The following FLT1 variants were observed in gnomAD, a reference collection of about 807,000 sequenced individuals.
FLT1 encodes the protein vascular endothelial growth factor receptor 1.
FLT1 carries 49 observed loss-of-function variants against 156.3 expected under a neutral mutation model. The observed-to-expected ratio is 0.31, with a 90% CI of 0.25 to 0.40. The LOEUF (loss-of-function observed/expected upper bound fraction) is 0.40. Ranked by LOEUF, FLT1 falls within the 10% of genes least tolerant of loss-of-function variation. The pLI is 1.00. For synonymous variants in FLT1, 594 were observed against 583.8 expected (o/e 1.02, Z -0.25); for missense variants, 1,322 against 1,637.2 (o/e 0.81, Z 3.32).
intron 1 of FLT1, among the ~76,000 whole-genome samples, chr13:28,485,616 T>C (rs545881276): frequency 6.6e-6 from 1 of 152,244 alleles, no homozygotes; most frequent in Admixed American, 6.5e-5. Flanking sequence ...TGTTACACAA[T>C]GGTGTGGTCC....
At chr13:28,427,620 G>T (rs1404224243) in intron 9 of FLT1, 132 bp downstream of exon 9, 4 of 844,932 alleles carry the variant, frequency 4.7e-6, no homozygotes, top group Admixed American at 3.7e-5. Flanking sequence ...GGAACTTAAC[G>T]TTAAGTGTTT....
chr13:28,314,095 G>A (rs1386358235), intron 25 of FLT1, among the ~76,000 whole-genome samples: 1 of 152,172 alleles, frequency 6.6e-6, no homozygotes, highest in Non-Finnish European at 1.5e-5. Context: ...TAGTACAGGA[G>A]GCTGAGGCGG....
chr13:28,427,409 C>G, intron 9 of FLT1, 91 bp from the exon 10 acceptor site: 1 of 1,175,208 alleles, frequency 8.5e-7, no homozygotes, highest in Non-Finnish European at 1.3e-6. Context: ...TTCTCACTGG[C>G]TTTGATGTCA....
intron 14 of FLT1, among the ~76,000 whole-genome samples, chr13:28,360,915 A>G (rs892565917): frequency 6.6e-6 from 1 of 152,226 alleles, no homozygotes; most frequent in Non-Finnish European, 1.5e-5. Flanking sequence ...CCCATTGTAT[A>G]CATGTATTAA....
chr13:28,452,536 TGG>T (rs1031451255), intron 3 of FLT1, among the ~76,000 whole-genome samples: 3 of 152,142 alleles, frequency 2.0e-5, no homozygotes, highest in Non-Finnish European at 4.4e-5. Flanking sequence ...CCTAGATGCG[TGG>T]GGACTAATCA....
At chr13:28,341,028 C>T (rs1217068954) in intron 16 of FLT1, among the ~76,000 whole-genome samples, 1 of 152,104 alleles carries the variant, frequency 6.6e-6, no homozygotes, top group Non-Finnish European at 1.5e-5. Flanking sequence ...ATACCCGAGC[C>T]CTGAGAAACA....
intron 10 of FLT1, among the ~76,000 whole-genome samples, chr13:28,425,615 A>G (rs182262788): frequency 6.6e-6 from 1 of 152,332 alleles, no homozygotes; most frequent in Admixed American, 6.5e-5. Flanking sequence ...TAGAATAGAA[A>G]TTTTAGATTT....
chr13:28,454,829 G>T (rs1879170951), intron 3 of FLT1, among the ~76,000 whole-genome samples: 1 of 152,144 alleles, frequency 6.6e-6, no homozygotes, highest in Admixed American at 6.5e-5. Context: ...AAATTCAAAA[G>T]TCAGTTGCTT....
At chr13:28,313,439 A>G (rs567807592) in intron 25 of FLT1, among the ~76,000 whole-genome samples, 2 of 152,234 alleles carry the variant, frequency 1.3e-5, no homozygotes, top group South Asian at 4.1e-4. Context: ...GTGCTCTTCA[A>G]GGGATGTTTA....
At chr13:28,328,083 C>T (rs1174552025) in intron 19 of FLT1, among the ~76,000 whole-genome samples, 1 of 152,194 alleles carries the variant, frequency 6.6e-6, no homozygotes, top group African/African-American at 2.4e-5. Flanking sequence ...AGCTAGTAAG[C>T]ATTTTAGGCT....
chr13:28,304,275 G>C (rs1037881230), intron 29 of FLT1, among the ~76,000 whole-genome samples: 12 of 152,098 alleles, frequency 7.9e-5, no homozygotes, highest in African/African-American at 2.9e-4. Context: ...CTTCCCCTTT[G>C]ATCCATTCAT....
At chr13:28,467,385 G>A (rs1879909584) in intron 2 of FLT1, 136 bp downstream of exon 2, 1 of 704,876 alleles carries the variant, frequency 1.4e-6, no homozygotes, top group South Asian at 1.6e-5. Flanking sequence ...CCCTTTCATG[G>A]GAAGCTGGAT....
In FLT1 at chr13:28,388,534, T is replaced by C. The variant is rs568275934; in HGVS notation, c.1969+1262A>G. On this transcript the variant is annotated intron_variant, in intron 13 of 29. Transcript: ENST00000282397. ...AAACAACAGAACAATGCATATTAAATTGGTGAAAAAGTCATTTTCCCTCAA... is the reference window on the plus strand; with the variant it reads ...AAACAACAGAACAATGCATATTAAACTGGTGAAAAAGTCATTTTCCCTCAA... 2.6e-4 allele frequency: 270 copies of C among 1,043,646 alleles called. 3 individuals are homozygous for C. The Middle Eastern group carries it at 4.0e-3, about 15-fold the overall frequency. The allele number at this position is 1,043,646 out of a possible 1,614,324, so 64.6% of individuals were successfully genotyped here.
intron 27 of FLT1, 135 bp from the exon 28 acceptor site, chr13:28,309,062 G>C (rs552851491): frequency 3.0e-6 from 2 of 657,290 alleles, no homozygotes; most frequent in Non-Finnish European, 5.6e-6. Flanking sequence ...CTGAGGCCCC[G>C]ATCTCCCCGC....
chr13:28,385,258 G>A (rs1242141499), intron 13 of FLT1, among the ~76,000 whole-genome samples: 1 of 152,140 alleles, frequency 6.6e-6, no homozygotes, highest in African/African-American at 2.4e-5. Flanking sequence ...ACTAGATTTT[G>A]TATTTTTAGA....
chr13:28,404,675 A>G (rs1314224083), intron 11 of FLT1, among the ~76,000 whole-genome samples: 3 of 152,184 alleles, frequency 2.0e-5, no homozygotes, highest in Non-Finnish European at 4.4e-5. Context: ...CAAGAAATAT[A>G]TATGTAAACA....
chr13:28,343,778 G>A (rs1038661413), intron 16 of FLT1, among the ~76,000 whole-genome samples: 4 of 151,770 alleles, frequency 2.6e-5, no homozygotes, highest in Admixed American at 1.3e-4. Context: ...GAGTAGCTGG[G>A]ACTACAGGCG....
chr13:28,367,016 T>C (rs1206047646), intron 14 of FLT1, among the ~76,000 whole-genome samples: 2 of 152,074 alleles, frequency 1.3e-5, no homozygotes, highest in Non-Finnish European at 2.9e-5. Flanking sequence ...ATGAAGACAA[T>C]GGAAAATGTC....
At chr13:28,375,047 A>C (rs1219432021) in intron 14 of FLT1, among the ~76,000 whole-genome samples, 2 of 152,210 alleles carry the variant, frequency 1.3e-5, no homozygotes, top group African/African-American at 4.8e-5. Flanking sequence ...AATAGAGATG[A>C]GGATGTTATG....
Sources: allele counts gnomAD v4.1 joint callset (sites outside exome capture counted in the v4.1 genomes callset), GRCh38; gene constraint gnomAD v4.1.1; transcripts MANE v1.5; gene names NCBI Gene and HGNC (gene_info 2026-07-23, HGNC 2026-07-21).